DAB2IP: variants seen among roughly 807,000 people sequenced by gnomAD.
DAB2IP encodes DAB2 interacting protein, also known as disabled homolog 2-interacting protein.
DAB2IP carries 28 observed loss-of-function variants against 107.2 expected under a neutral mutation model. The observed-to-expected ratio is 0.26, with a 90% CI of 0.19 to 0.36. The LOEUF (loss-of-function observed/expected upper bound fraction) is 0.36. Ranked by LOEUF, DAB2IP falls within the 10% of genes least tolerant of loss-of-function variation. The probability of loss-of-function intolerance (pLI) is 1.00; values close to 1 mark genes in which losing one functional copy is unlikely to be tolerated. For synonymous variants in DAB2IP, 755 were observed against 706.4 expected, an observed-to-expected ratio of 1.07 and a Z score of -1.09; for missense variants, 1,400 against 1,644.7, an observed-to-expected ratio of 0.85 and a Z score of 2.57.
At chr9:121,708,911 C>T (rs993764538) in intron 3 of DAB2IP, among the ~76,000 whole-genome samples, 6 of 152,178 alleles carry the variant, frequency 3.9e-5, no homozygotes, top group African/African-American at 1.2e-4. Flanking sequence ...GGGTGGGCTG[C>T]ACTCCCAACT....
At chr9:121,577,481 G>T (rs1046374198) in intron 1 of DAB2IP, among the ~76,000 whole-genome samples, 1 of 152,226 alleles carries the variant, frequency 6.6e-6, no homozygotes, top group Non-Finnish European at 1.5e-5. Flanking sequence ...CCTCTGTCTC[G>T]GCAGGCTGTC....
At chr9:121,608,278 CTTGA>C (rs1379220422) in intron 1 of DAB2IP, among the ~76,000 whole-genome samples, 2 of 152,164 alleles carry the variant, frequency 1.3e-5, no homozygotes, top group African/African-American at 2.4e-5. Flanking sequence ...CAATTTCTTA[CTTGA>C]GACTGTACCC....
At chr9:121,734,129 G>A (rs1207731344) in intron 3 of DAB2IP, among the ~76,000 whole-genome samples, 4 of 140,650 alleles carry the variant, frequency 2.8e-5, no homozygotes, top group Non-Finnish European at 5.9e-5. Context: ...TGTAATCCCA[G>A]CACTTTGGGA....
chr9:121,613,802 C>T (rs1338175064), intron 1 of DAB2IP, among the ~76,000 whole-genome samples: 2 of 152,170 alleles, frequency 1.3e-5, no homozygotes, highest in Non-Finnish European at 1.5e-5. Flanking sequence ...TTTAAATATT[C>T]AGAACAAATG....
chr9:121,697,363 G>A (rs923412603), intron 2 of DAB2IP, among the ~76,000 whole-genome samples: 36 of 152,328 alleles, frequency 2.4e-4, no homozygotes, highest in African/African-American at 7.7e-4. Context: ...AGCCCATTGG[G>A]ATAACTTGCT....
intron 9 of DAB2IP, among the ~76,000 whole-genome samples, chr9:121,767,472 G>A (rs908818764): frequency 1.3e-5 from 2 of 151,612 alleles, no homozygotes; most frequent in African/African-American, 4.9e-5. Context: ...AGGGTGACAT[G>A]ATCCCCCAAC....
At chr9:121,580,403 G>A (rs1032054847) in intron 1 of DAB2IP, among the ~76,000 whole-genome samples, 12 of 152,172 alleles carry the variant, frequency 7.9e-5, no homozygotes, top group African/African-American at 2.9e-4. Context: ...CTAAGGCCAG[G>A]TACAGTGGCT....
At chr9:121,749,781 G>A (rs1832976268) in intron 3 of DAB2IP, among the ~76,000 whole-genome samples, 1 of 152,214 alleles carries the variant, frequency 6.6e-6, no homozygotes, top group African/African-American at 2.4e-5. Flanking sequence ...TCCCCATTTT[G>A]CAGATGGGGA....
chr9:121,720,363 C>T (rs1830853393), intron 3 of DAB2IP, among the ~76,000 whole-genome samples: 2 of 152,236 alleles, frequency 1.3e-5, no homozygotes, highest in African/African-American at 4.8e-5. Context: ...ATGAACGATA[C>T]ATTGAGCACC....
At chr9:121,622,521 G>A (rs1485916603) in intron 1 of DAB2IP, among the ~76,000 whole-genome samples, 3 of 152,156 alleles carry the variant, frequency 2.0e-5, no homozygotes, top group East Asian at 1.9e-4. Flanking sequence ...CGAAGGTTAC[G>A]TGGGTTTTGT....
At chr9:121,593,349 C>T (rs1414616324) in intron 1 of DAB2IP, among the ~76,000 whole-genome samples, 6 of 152,152 alleles carry the variant, frequency 3.9e-5, no homozygotes, top group African/African-American at 1.2e-4. Context: ...CTCACTATAG[C>T]CTTGACCTCC....
At chr9:121,585,909 C>T (rs2118916444) in intron 1 of DAB2IP, among the ~76,000 whole-genome samples, 1 of 152,144 alleles carries the variant, frequency 6.6e-6, no homozygotes, top group Non-Finnish European at 1.5e-5. Context: ...CTACCAGGAA[C>T]CCTAATTACG....
chr9:121,608,411 T>C (rs538581227), intron 1 of DAB2IP, among the ~76,000 whole-genome samples: 2 of 152,010 alleles, frequency 1.3e-5, no homozygotes, highest in South Asian at 2.1e-4. Context: ...GTGGAAACAA[T>C]AGGGGTAGAT....
chr9:121,675,130 G>T (rs759248374), intron 1 of DAB2IP, among the ~76,000 whole-genome samples: 1 of 152,066 alleles, frequency 6.6e-6, no homozygotes, highest in Non-Finnish European at 1.5e-5. Context: ...CTGCTGAGTC[G>T]CCAAGTAGCA....
At chr9:121,651,262 A>G (rs1832726244), upstream of DAB2IP, among the ~76,000 whole-genome samples, 2 of 152,228 alleles carry the variant, frequency 1.3e-5, no homozygotes, top group African/African-American at 4.8e-5. This position sits in a 1 kb window ranked among gnomAD's most constrained non-coding sequence, Gnocchi z 5.1. Flanking sequence ...TTCTCAGCCC[A>G]GCGAGCCTGG....
chr9:121,658,774 C>T (rs565095560), intron 1 of DAB2IP, among the ~76,000 whole-genome samples: 92 of 152,348 alleles, frequency 6.0e-4, no homozygotes, highest in South Asian at 3.5e-3. Context: ...GGACGCCCAT[C>T]ACGCCCTTGG....
intron 9 of DAB2IP, among the ~76,000 whole-genome samples, 157 bp from the exon 10 acceptor site, chr9:121,768,275 G>A (rs1303808768): frequency 6.6e-6 from 1 of 152,156 alleles, no homozygotes; most frequent in Non-Finnish European, 1.5e-5. Context: ...GGAGGGCCCT[G>A]GTGACCTGGG....
chr9:121,617,974 G>A (rs1238675955), intron 1 of DAB2IP, among the ~76,000 whole-genome samples: 3 of 152,220 alleles, frequency 2.0e-5, no homozygotes, highest in Non-Finnish European at 2.9e-5. Flanking sequence ...AGACTGAGAA[G>A]CCCCTAAAGG....
intron 1 of DAB2IP, among the ~76,000 whole-genome samples, chr9:121,570,089 C>CA (rs1829901221): frequency 6.7e-6 from 1 of 148,360 alleles, no homozygotes; most frequent in South Asian, 2.1e-4. Flanking sequence ...CCACAGCAGT[C>CA]AGCCCTTTTC....
Sources: allele counts gnomAD v4.1 joint callset (sites outside exome capture counted in the v4.1 genomes callset), GRCh38; gene constraint gnomAD v4.1.1; non-coding constraint Gnocchi (gnomAD v3.1); transcripts MANE v1.5; gene names NCBI Gene and HGNC (gene_info 2026-07-23, HGNC 2026-07-21).